XKR9: variants seen among roughly 807,000 people sequenced by gnomAD.
XKR9 encodes XK-related protein 9.
XKR9 carries 32 observed loss-of-function variants against 32.0 expected under a neutral mutation model. That is an observed-to-expected ratio of 1.00 (90% CI 0.76 to 1.34). The LOEUF is 1.34. Ranked by LOEUF, XKR9 falls within the 40% of genes most tolerant of loss-of-function variation. The pLI is 0.00. For missense variants in XKR9, 546 were observed against 429.7 expected, an observed-to-expected ratio of 1.27 and a Z score of -2.39; for synonymous variants, 168 against 143.4, an observed-to-expected ratio of 1.17 and a Z score of -1.22.
the XKR9 span, among the ~76,000 whole-genome samples, chr8:70,830,396 C>T: frequency 6.8e-6 from 1 of 147,132 alleles, no homozygotes; most frequent in East Asian, 2.0e-4. Flanking sequence ...GCCTGGTCAG[C>T]ATGGCAAAAC....
intron 2 of XKR9, among the ~76,000 whole-genome samples, chr8:70,771,441 C>G (rs1213413145): frequency 6.6e-6 from 1 of 152,100 alleles, no homozygotes; most frequent in Admixed American, 6.6e-5. Context: ...TTTTGTGGTC[C>G]AAGTGATTAC....
At chr8:70,711,958 G>A (rs1164613391) in intron 4 of XKR9, among the ~76,000 whole-genome samples, 1 of 151,338 alleles carries the variant, frequency 6.6e-6, no homozygotes, top group East Asian at 1.9e-4. Flanking sequence ...TAAAAAACCT[G>A]CACACGTACC....
At chr8:70,685,464 G>A (rs1342849827) in intron 3 of XKR9, among the ~76,000 whole-genome samples, 2 of 144,550 alleles carry the variant, frequency 1.4e-5, no homozygotes, top group Non-Finnish European at 3.0e-5. Context: ...CCTGCACATT[G>A]CACACATGTA....
intron 2 of XKR9, among the ~76,000 whole-genome samples, chr8:70,785,683 C>T (rs1807674837): frequency 6.8e-6 from 1 of 146,616 alleles, no homozygotes; most frequent in Non-Finnish European, 1.5e-5. Flanking sequence ...ATGCTGTATC[C>T]CATAAGTTTT....
chr8:70,813,230 G>A, the XKR9 span, among the ~76,000 whole-genome samples: 2 of 152,174 alleles, frequency 1.3e-5, no homozygotes, highest in African/African-American at 4.8e-5. Context: ...TGGGAAAACT[G>A]GCTAGCCATA....
chr8:70,699,762 A>T (rs1415575419), intron 3 of XKR9, among the ~76,000 whole-genome samples: 1 of 152,152 alleles, frequency 6.6e-6, no homozygotes, highest in African/African-American at 2.4e-5. Flanking sequence ...CTCCTGGATA[A>T]TATCCTGCAG....
intron 2 of XKR9, among the ~76,000 whole-genome samples, chr8:70,775,610 A>T (rs1055143719): frequency 6.6e-6 from 1 of 152,156 alleles, no homozygotes; most frequent in Non-Finnish European, 1.5e-5. Context: ...ATTATTTTCA[A>T]ATATTATACC....
the XKR9 span, among the ~76,000 whole-genome samples, chr8:70,890,791 C>T: frequency 2.0e-5 from 3 of 151,914 alleles, no homozygotes; most frequent in Admixed American, 6.6e-5. Flanking sequence ...GTCTTAGTAT[C>T]AGGATAATGT....
At chr8:71,062,223 G>C in the XKR9 span, among the ~76,000 whole-genome samples, 1 of 152,206 alleles carries the variant, frequency 6.6e-6, no homozygotes, top group African/African-American at 2.4e-5. Flanking sequence ...CTAAGGGAAA[G>C]AGTTTCATAG....
the XKR9 span, among the ~76,000 whole-genome samples, chr8:70,810,422 C>T: frequency 1.3e-5 from 2 of 152,040 alleles, no homozygotes; most frequent in Non-Finnish European, 2.9e-5. Flanking sequence ...AATGACAGTA[C>T]CAAATACACA....
chr8:70,830,964 G>C, the XKR9 span, among the ~76,000 whole-genome samples: 1 of 152,042 alleles, frequency 6.6e-6, no homozygotes, highest in Admixed American at 6.6e-5. Flanking sequence ...TGTGTTTTGG[G>C]GAACTATATG....
chr8:70,818,336 T>C, the XKR9 span, among the ~76,000 whole-genome samples: 2 of 152,160 alleles, frequency 1.3e-5, no homozygotes, highest in Non-Finnish European at 2.9e-5. Flanking sequence ...CCCATTATAG[T>C]GCTTTATTTT....
chr8:70,999,035 A>C, the XKR9 span, among the ~76,000 whole-genome samples: 2 of 152,138 alleles, frequency 1.3e-5, no homozygotes, highest in Non-Finnish European at 2.9e-5. Context: ...GGCTGACTGT[A>C]GTATAAATCT....
intron 2 of XKR9, among the ~76,000 whole-genome samples, chr8:70,678,952 A>G (rs930004956): frequency 6.6e-6 from 1 of 152,236 alleles, no homozygotes; most frequent in African/African-American, 2.4e-5. Flanking sequence ...CTGCCATAGC[A>G]GAATACCACA....
the XKR9 span, among the ~76,000 whole-genome samples, chr8:70,884,262 T>C: frequency 1.3e-5 from 2 of 152,270 alleles, no homozygotes; most frequent in Admixed American, 1.3e-4. Flanking sequence ...AAGTTATTTT[T>C]GTATATTTGG....
chr8:70,797,574 T>C, the XKR9 span, among the ~76,000 whole-genome samples: 1 of 151,898 alleles, frequency 6.6e-6, no homozygotes, highest in Non-Finnish European at 1.5e-5. Flanking sequence ...TTTTTTTCAC[T>C]TTTATTTTAG....
In XKR9 at chr8:70,776,947, C is replaced by CTCTCTCTCTCTATATATATA; in HGVS notation, n.353-12391_353-12390insCTCTCTCTCTATATATATAT. On this transcript the variant is annotated intron_variant and non_coding_transcript_variant, in intron 2 of 3. Coordinates refer to the XKR9 transcript ENST00000520273. ...TTTCTCTCTCTCTCTCTCTCTCTCTCTATATATATATATATATGTATGTAT... is the reference window on the plus strand; with the variant it reads ...TTTCTCTCTCTCTCTCTCTCTCTCTCTCTCTCTCTCTATATATATATATATATATATATATATGTATGTAT... 1.8e-3 allele frequency among the ~76,000 whole-genome samples: 95 copies of CTCTCTCTCTCTATATATATA among 54,198 alleles called. 1 individual carries two copies. Among genetic ancestry groups the CTCTCTCTCTCTATATATATA allele is most frequent in the East Asian group, 8.6e-3 (21 of 2,456 alleles). The allele number at this position is 54,198 out of a possible 152,430, so 35.6% of individuals were successfully genotyped here.
the XKR9 span, among the ~76,000 whole-genome samples, chr8:70,831,381 G>A: frequency 0.082 from 12,449 of 151,898 alleles, 581 homozygotes; most frequent in African/African-American, 0.091. Flanking sequence ...AAAAGGAAAG[G>A]AAATAGCATT....
the XKR9 span, among the ~76,000 whole-genome samples, chr8:70,993,214 C>T: frequency 6.6e-6 from 1 of 152,174 alleles, no homozygotes; most frequent in Admixed American, 6.5e-5. Context: ...CCTAGCACAG[C>T]CGGTCTGTGT....
Sources: gnomAD v4.1 joint callset for allele counts (sites outside exome capture counted in the v4.1 genomes callset) on GRCh38, gnomAD v4.1.1 for gene constraint, MANE v1.5 for transcripts, NCBI Gene and HGNC (gene_info 2026-07-23, HGNC 2026-07-21) for gene names.